Variants in CEP83 observed in about 807,000 individuals in gnomAD.
CEP83 encodes the protein centrosomal protein 83.
A neutral mutation model predicts 101.9 loss-of-function variants in CEP83; 70 were observed. The ratio of observed to expected loss-of-function variants is 0.69; its 90% CI spans 0.57 to 0.84. The LOEUF (loss-of-function observed/expected upper bound fraction) is 0.84, where lower values mean the gene tolerates loss of function less well. Ranked by LOEUF, CEP83 falls within the 40% of genes least tolerant of loss-of-function variation. CEP83 has a pLI of 0.00. For missense variants in CEP83, 715 were observed against 787.2 expected (o/e 0.91, Z 1.10); for synonymous variants, 264 against 267.9 (o/e 0.99, Z 0.14).
chr12:94,290,402 G>C, the CEP83 span, among the ~76,000 whole-genome samples: 2 of 152,264 alleles, frequency 1.3e-5, no homozygotes, highest in Non-Finnish European at 2.9e-5. Flanking sequence ...AAGGGGAAAA[G>C]GAGAGGATGC....
chr12:94,444,542 T>C (rs2066657197), intron 1 of CEP83, among the ~76,000 whole-genome samples: 1 of 152,262 alleles, frequency 6.6e-6, no homozygotes, highest in African/African-American at 2.4e-5. Flanking sequence ...TAATTAGAGA[T>C]GCACAAACAT....
chr12:94,392,415 GA>G (rs1295352147), intron 6 of CEP83, among the ~76,000 whole-genome samples: 16 of 152,156 alleles, frequency 1.1e-4, no homozygotes, highest in Non-Finnish European at 2.9e-5. Flanking sequence ...AATGAAGGCA[GA>G]AATAAAGATG....
At chr12:94,321,673 C>T (rs777169793) in intron 14 of CEP83, among the ~76,000 whole-genome samples, 20 of 151,668 alleles carry the variant, frequency 1.3e-4, no homozygotes, top group Non-Finnish European at 2.8e-4. Flanking sequence ...GTTGGGCATC[C>T]GTACCAGCCC....
chr12:94,356,885 T>C (rs2060501997), intron 11 of CEP83, among the ~76,000 whole-genome samples: 1 of 152,100 alleles, frequency 6.6e-6, no homozygotes, highest in Admixed American at 6.6e-5. Context: ...AGACCAACTT[T>C]TGGGGGTTGG....
At chr12:94,378,293 G>A (rs1425832403) in intron 7 of CEP83, among the ~76,000 whole-genome samples, 1 of 152,032 alleles carries the variant, frequency 6.6e-6, no homozygotes, top group Non-Finnish European at 1.5e-5. Flanking sequence ...TGAACCCAGG[G>A]AAATAATTCT....
At chr12:94,270,976 C>G in the CEP83 span, among the ~76,000 whole-genome samples, 1 of 152,094 alleles carries the variant, frequency 6.6e-6, no homozygotes, top group African/African-American at 2.4e-5. Flanking sequence ...GCTGCTGACT[C>G]TGGCTTGGAA....
At chr12:94,385,449 C>G (rs1349132742) in intron 6 of CEP83, among the ~76,000 whole-genome samples, 1 of 152,110 alleles carries the variant, frequency 6.6e-6, no homozygotes, top group East Asian at 1.9e-4. Context: ...CATACTGTCT[C>G]TAGTGACAGC....
At chr12:94,456,517 A>G (rs993877382) in intron 1 of CEP83, among the ~76,000 whole-genome samples, 1 of 152,240 alleles carries the variant, frequency 6.6e-6, no homozygotes, top group African/African-American at 2.4e-5. Flanking sequence ...ATTGATTCAC[A>G]GTTCCACATG....
chr12:94,371,908 T>C lies in CEP83; in HGVS notation c.934-1872A>G, dbSNP rs940955500. Among the ~76,000 whole-genome samples, 35 of 152,130 alleles carry C rather than the reference T, an allele frequency of 2.3e-4. 1 individual carries two copies. The highest frequency in any genetic ancestry group is 2.0e-3 in the Admixed American group (31 of 15,274). On this transcript the variant is annotated intron_variant, in intron 8 of 16. Coordinates refer to ENST00000397809, the MANE Select transcript of CEP83 (RefSeq NM_016122.3). ...ACTACAATAAGACATCCCTCCAAAT[T>C]AACTCGTAGATTTTTAAATGACCGT...
intron 1 of CEP83, among the ~76,000 whole-genome samples, chr12:94,451,436 T>C (rs540459391): frequency 1.5e-5 from 2 of 133,864 alleles, no homozygotes; most frequent in African/African-American, 2.8e-5. Flanking sequence ...TCATCCAGCA[T>C]ATATAAAGAA....
intron 11 of CEP83, among the ~76,000 whole-genome samples, chr12:94,339,864 G>A (rs892646287): frequency 4.6e-5 from 7 of 152,166 alleles, no homozygotes; most frequent in Non-Finnish European, 1.0e-4. Context: ...TACAATAATT[G>A]ATAGGAATCA....
chr12:94,266,420 G>T, the CEP83 span, among the ~76,000 whole-genome samples: 2 of 152,218 alleles, frequency 1.3e-5, no homozygotes, highest in African/African-American at 2.4e-5. Context: ...CGGAGAGTGG[G>T]CTGCATTGGT....
chr12:94,345,367 A>C (rs1006685641), intron 11 of CEP83, among the ~76,000 whole-genome samples: 1 of 152,126 alleles, frequency 6.6e-6, no homozygotes, highest in Admixed American at 6.5e-5. Context: ...CACATTTCCT[A>C]AGTGACTAAA....
the CEP83 span, among the ~76,000 whole-genome samples, chr12:94,270,723 T>A: frequency 6.6e-6 from 1 of 152,086 alleles, no homozygotes; most frequent in Non-Finnish European, 1.5e-5. Context: ...ATAGAAAAAT[T>A]GGTGAGAGAA....
At chr12:94,302,494 A>G (rs1968564029), downstream of CEP83, among the ~76,000 whole-genome samples, 1 of 152,218 alleles carries the variant, frequency 6.6e-6, no homozygotes. Flanking sequence ...CACTTTCTTC[A>G]TTTGACTAAT....
intron 11 of CEP83, among the ~76,000 whole-genome samples, chr12:94,353,727 T>C (rs1488885600): frequency 7.7e-6 from 1 of 129,814 alleles, no homozygotes; most frequent in African/African-American, 2.9e-5. Context: ...GAAAACGAAG[T>C]GGGGGAAAAA....
At chr12:94,287,362 G>A in the CEP83 span, among the ~76,000 whole-genome samples, 1 of 152,344 alleles carries the variant, frequency 6.6e-6, no homozygotes, top group East Asian at 1.9e-4. Context: ...ATGTGCACCT[G>A]CATGTTCAGG....
the CEP83 span, among the ~76,000 whole-genome samples, chr12:94,273,546 C>A: frequency 6.6e-6 from 1 of 152,168 alleles, no homozygotes; most frequent in Non-Finnish European, 1.5e-5. Context: ...TGAAAACCCC[C>A]TGCCGACCTA....
chr12:94,377,329 T>C (rs1235483821), intron 7 of CEP83, among the ~76,000 whole-genome samples: 1 of 152,154 alleles, frequency 6.6e-6, no homozygotes, highest in African/African-American at 2.4e-5. Context: ...TGTGGCTCAG[T>C]GCAGCTACCC....
Sources: allele counts gnomAD v4.1 joint callset (sites outside exome capture counted in the v4.1 genomes callset), GRCh38; gene constraint gnomAD v4.1.1; transcripts MANE v1.5; gene names NCBI Gene and HGNC (gene_info 2026-07-23, HGNC 2026-07-21).